The following ADD3 variants were observed in gnomAD, a reference collection of about 807,000 sequenced individuals.
ADD3 encodes gamma-adducin.
A neutral mutation model predicts 80.2 loss-of-function variants in ADD3; 25 were observed. The ratio of observed to expected loss-of-function variants is 0.31; its 90% confidence interval spans 0.23 to 0.44. The LOEUF is 0.44. Ranked by LOEUF, ADD3 falls within the 20% of genes least tolerant of loss-of-function variation. The probability of loss-of-function intolerance (pLI) is 1.00; values close to 1 mark genes in which losing one functional copy is unlikely to be tolerated. For missense variants in ADD3, 829 were observed against 847.5 expected (o/e 0.98, Z 0.27); for synonymous variants, 284 against 289.6 (o/e 0.98, Z 0.20).
chr10:110,071,230 C>T (rs1278991359), intron 1 of ADD3, among the ~76,000 whole-genome samples: 2 of 152,052 alleles, frequency 1.3e-5, no homozygotes, highest in East Asian at 3.9e-4. Context: ...CTACAGAGCC[C>T]CATATCCTTA....
At chr10:110,116,820 T>C (rs1850794738) in intron 4 of ADD3, among the ~76,000 whole-genome samples, 1 of 152,238 alleles carries the variant, frequency 6.6e-6, no homozygotes, top group Admixed American at 6.5e-5. Context: ...ACCATCATAT[T>C]TTTATTTTGC....
intron 4 of ADD3, among the ~76,000 whole-genome samples, 155 bp from the exon 5 acceptor site, chr10:110,117,187 A>G (rs1282455216): frequency 6.6e-6 from 1 of 152,154 alleles, no homozygotes. Context: ...GGGAAACTTT[A>G]GGAAAGTTTC....
At chr10:110,007,866 G>C (rs1035397883), upstream of ADD3, 1 of 150,768 alleles carries the variant, frequency 6.6e-6, no homozygotes, top group Non-Finnish European at 1.5e-5. Context: ...CAGAGGCGTA[G>C]GGGGCTGCGA....
upstream of ADD3, chr10:110,007,848 G>A (rs1261665848): frequency 6.6e-6 from 1 of 150,400 alleles, no homozygotes; most frequent in Non-Finnish European, 1.5e-5. Flanking sequence ...GAGCCCAAGA[G>A]GCGGGGCCAG....
chr10:110,048,707 TAAC>T (rs1206024662), intron 1 of ADD3, among the ~76,000 whole-genome samples: 3 of 152,192 alleles, frequency 2.0e-5, no homozygotes, highest in Admixed American at 6.5e-5. Flanking sequence ...AATTTCTAAA[TAAC>T]AAAGCATTCA....
At chr10:110,059,684 G>A (rs898497958) in intron 1 of ADD3, among the ~76,000 whole-genome samples, 20 of 152,130 alleles carry the variant, frequency 1.3e-4, no homozygotes, top group Admixed American at 1.0e-3. Context: ...CAGAAGGATC[G>A]CTTGAACCCA....
chr10:110,073,875 C>T (rs778604268), intron 1 of ADD3, among the ~76,000 whole-genome samples: 6 of 152,044 alleles, frequency 3.9e-5, no homozygotes, highest in Non-Finnish European at 5.9e-5. Context: ...TTCCCACCCC[C>T]GACTAACATG....
intron 1 of ADD3, among the ~76,000 whole-genome samples, chr10:110,088,562 G>A (rs996164394): frequency 1.3e-5 from 2 of 152,162 alleles, no homozygotes; most frequent in African/African-American, 2.4e-5. Context: ...AGCCAAAATC[G>A]GAAGGCAGAA....
intron 1 of ADD3, among the ~76,000 whole-genome samples, chr10:110,074,231 C>T (rs1362198278): frequency 6.6e-6 from 1 of 152,270 alleles, no homozygotes; most frequent in Non-Finnish European, 1.5e-5. Context: ...CTAGTAGTTC[C>T]TTAACAAATC....
chr10:110,113,352 C>T (rs1850293132), intron 3 of ADD3, among the ~76,000 whole-genome samples: 1 of 152,208 alleles, frequency 6.6e-6, no homozygotes, highest in African/African-American at 2.4e-5. Context: ...ACTGCAACCT[C>T]CACCTCGCAG....
At chr10:110,082,001 A>G (rs1216591984) in intron 1 of ADD3, among the ~76,000 whole-genome samples, 1 of 152,220 alleles carries the variant, frequency 6.6e-6, no homozygotes, top group African/African-American at 2.4e-5. Flanking sequence ...GAGAAGGGGA[A>G]GTCTCATTAC....
Position 110,125,816 on chromosome 10 carries a change from G to T in ADD3, c.1402-10G>T, listed in dbSNP as rs765732742. 5.1e-6 allele frequency: 8 copies of T among 1,553,440 alleles called. No individual in the cohort carries two copies. Among genetic ancestry groups the T allele is most frequent in the South Asian group, 4.8e-5 (4 of 82,606 alleles). On this transcript the variant is annotated splice_polypyrimidine_tract_variant and intron_variant, in intron 10 of 14. Transcript: ENST00000356080. ...CAAAGCTTCATTTTAGAAAATTTTT[G>T]ATTCTTTAGTGGATGAAAGCAGAAG...
intron 2 of ADD3, among the ~76,000 whole-genome samples, chr10:110,110,670 C>T (rs931476681): frequency 6.6e-6 from 1 of 151,998 alleles, no homozygotes; most frequent in African/African-American, 2.4e-5. Context: ...CATATTTCCC[C>T]TTATCACCAT....
intron 13 of ADD3, among the ~76,000 whole-genome samples, chr10:110,131,751 A>G (rs907404513): frequency 6.6e-6 from 1 of 152,132 alleles, no homozygotes; most frequent in Non-Finnish European, 1.5e-5. Flanking sequence ...TCCCTCTTTA[A>G]TCTCTTGTTT....
upstream of ADD3, among the ~76,000 whole-genome samples, chr10:110,003,302 G>GGGGGGTGTGTGTGTGTGTGTGT (rs140966434): frequency 1.9e-4 from 28 of 147,030 alleles, no homozygotes; most frequent in African/African-American, 6.1e-4. Context: ...GAACAGTAAG[G>GGGGGGTGTGTGTGTGTGTGTGT]GTGTGTGTGT....
chr10:110,050,845 A>G (rs910325240), intron 1 of ADD3, among the ~76,000 whole-genome samples: 4 of 152,090 alleles, frequency 2.6e-5, no homozygotes, highest in Admixed American at 2.6e-4. Context: ...TTTTTTTAGC[A>G]GTGTGAAAAT....
intron 1 of ADD3, among the ~76,000 whole-genome samples, chr10:110,082,016 G>T (rs536252295): frequency 6.6e-6 from 1 of 152,302 alleles, no homozygotes; most frequent in South Asian, 2.1e-4. Flanking sequence ...CATTACCCTG[G>T]TCTGTTACGC....
chr10:110,081,530 A>G (rs369872442), intron 1 of ADD3, among the ~76,000 whole-genome samples: 2 of 152,114 alleles, frequency 1.3e-5, no homozygotes, highest in Non-Finnish European at 2.9e-5. Context: ...ATGTCTTAGT[A>G]CAGTGTCAGT....
chr10:110,094,809 A>G (rs1258551844), intron 1 of ADD3, among the ~76,000 whole-genome samples: 3 of 152,240 alleles, frequency 2.0e-5, no homozygotes, highest in Non-Finnish European at 1.5e-5. Flanking sequence ...ACTTTCATCA[A>G]GAAAAACTGA....
Sources: allele counts gnomAD v4.1 joint callset (sites outside exome capture counted in the v4.1 genomes callset), GRCh38; gene constraint gnomAD v4.1.1; transcripts MANE v1.5; gene names NCBI Gene and HGNC (gene_info 2026-07-23, HGNC 2026-07-21).